The following UBE3A variants were observed in gnomAD, a reference collection of about 807,000 sequenced individuals.
The protein encoded by UBE3A is ubiquitin-protein ligase E3A.
UBE3A carries 6 observed loss-of-function variants against 83.4 expected under a neutral mutation model. The observed-to-expected ratio is 0.07, with a 90% CI of 0.04 to 0.14. The LOEUF (loss-of-function observed/expected upper bound fraction) is 0.14, where lower values mean the gene tolerates loss of function less well. Ranked by LOEUF, UBE3A falls within the 10% of genes least tolerant of loss-of-function variation. The probability of loss-of-function intolerance (pLI) is 1.00; values close to 1 mark genes in which losing one functional copy is unlikely to be tolerated. For missense variants in UBE3A, 456 were observed against 1,036.1 expected (o/e 0.44, Z 7.69); for synonymous variants, 337 against 355.4 (o/e 0.95, Z 0.58).
At chr15:25,347,713 A>G (rs1447232245) in intron 11 of UBE3A, among the ~76,000 whole-genome samples, 1 of 152,128 alleles carries the variant, frequency 6.6e-6, no homozygotes, top group East Asian at 1.9e-4. Context: ...ACAAAAACAA[A>G]CAAACAAACA....
At chr15:25,419,941 G>A (rs890799402) in intron 1 of UBE3A, among the ~76,000 whole-genome samples, 3 of 152,096 alleles carry the variant, frequency 2.0e-5, no homozygotes, top group Non-Finnish European at 4.4e-5. Context: ...TTCCAAAAAT[G>A]CTCCATTAAC....
chr15:25,339,314 T>C lies in UBE3A; in HGVS notation c.2499-57A>G, dbSNP rs184405137. On this transcript the variant is annotated intron_variant, in intron 12 of 12. Coordinates refer to ENST00000648336, the MANE Select transcript of UBE3A (RefSeq NM_130839.5). ...AACTGTAAGTCATGGGAAATACACT[T>C]AGAATTAAATGCTCCTATTTTTAGA... 1.2e-5 allele frequency: 19 copies of C among 1,586,690 alleles called. No homozygotes were observed. In the East Asian group the frequency reaches 4.3e-4, roughly 36 times the overall value.
intron 1 of UBE3A, among the ~76,000 whole-genome samples, chr15:25,437,197 G>A (rs945790878): frequency 7.2e-5 from 11 of 152,068 alleles, no homozygotes; most frequent in Non-Finnish European, 8.8e-5. Context: ...TAAGTAGCTT[G>A]GATTTAAAAA....
At chr15:25,430,636 T>C (rs1893185659) in intron 1 of UBE3A, among the ~76,000 whole-genome samples, 1 of 151,958 alleles carries the variant, frequency 6.6e-6, no homozygotes, top group Admixed American at 6.6e-5. Context: ...ACAGCAGATA[T>C]CTAAAAGTAG....
chr15:25,389,966 C>T (rs555887331), intron 4 of UBE3A, among the ~76,000 whole-genome samples: 90 of 152,250 alleles, frequency 5.9e-4, no homozygotes, highest in African/African-American at 2.1e-3. Context: ...AAACAAACAA[C>T]CCAATTAAAA....
At chr15:25,400,977 A>G (rs1425495902) in intron 4 of UBE3A, among the ~76,000 whole-genome samples, 1 of 152,200 alleles carries the variant, frequency 6.6e-6, no homozygotes, top group Non-Finnish European at 1.5e-5. Flanking sequence ...CATTCCTTCT[A>G]TACTTAATTT....
intron 11 of UBE3A, among the ~76,000 whole-genome samples, chr15:25,344,451 A>AAAAAT (rs1161305188): frequency 4.6e-5 from 7 of 152,182 alleles, no homozygotes. Context: ...AATTTATTGG[A>AAAAAT]AAAATAACTT....
intron 3 of UBE3A, among the ~76,000 whole-genome samples, chr15:25,406,848 T>TG (rs2088699249): frequency 1.1e-5 from 1 of 90,634 alleles, no homozygotes; most frequent in African/African-American, 3.9e-5. Context: ...AGGACAAGAA[T>TG]GGAAAAGGAA....
At chr15:25,398,384 T>C (rs2086099961) in intron 4 of UBE3A, among the ~76,000 whole-genome samples, 2 of 152,126 alleles carry the variant, frequency 1.3e-5, no homozygotes, top group Non-Finnish European at 2.9e-5. Flanking sequence ...AGTTTCCATG[T>C]TGTACAATAG....
At chr15:25,348,594 ATAAC>A (rs2076057221) in intron 11 of UBE3A, among the ~76,000 whole-genome samples, 1 of 152,218 alleles carries the variant, frequency 6.6e-6, no homozygotes, top group African/African-American at 2.4e-5. Context: ...AATCTACTAA[ATAAC>A]TACTAGAATA....
At chr15:25,387,063 CA>C (rs2083292162) in intron 4 of UBE3A, among the ~76,000 whole-genome samples, 1 of 152,144 alleles carries the variant, frequency 6.6e-6, no homozygotes, top group Non-Finnish European at 1.5e-5. Flanking sequence ...ATAATGTCAA[CA>C]ATTGTGCTTA....
At chr15:25,422,398 A>G (rs1485947874) in intron 1 of UBE3A, among the ~76,000 whole-genome samples, 1 of 152,172 alleles carries the variant, frequency 6.6e-6, no homozygotes, top group African/African-American at 2.4e-5. Context: ...AAATGGGTGC[A>G]TTTCATTGTG....
chr15:25,418,371 C>T (rs1451042089), intron 1 of UBE3A: 6 of 152,110 alleles, frequency 3.9e-5, no homozygotes, highest in Non-Finnish European at 8.8e-5. Flanking sequence ...TTTATAATAG[C>T]TGGGAACTGA....
intron 1 of UBE3A, among the ~76,000 whole-genome samples, chr15:25,430,173 A>G (rs1366474060): frequency 5.4e-4 from 6 of 11,152 alleles, no homozygotes; most frequent in Non-Finnish European, 8.9e-4. Context: ...GATTATATAT[A>G]TATTATATAT....
chr15:25,363,195 G>GCAATA (rs1215163732), intron 6 of UBE3A, among the ~76,000 whole-genome samples: 5 of 152,108 alleles, frequency 3.3e-5, no homozygotes, highest in Non-Finnish European at 7.4e-5. Context: ...GTAATGCAAT[G>GCAATA]CAATATGTTC....
chr15:25,391,379 T>C (rs866279453), intron 4 of UBE3A, among the ~76,000 whole-genome samples: 2 of 152,110 alleles, frequency 1.3e-5, no homozygotes, highest in African/African-American at 2.4e-5. Context: ...GAATGTAGAG[T>C]TTCTGTTTTA....
intron 11 of UBE3A, among the ~76,000 whole-genome samples, chr15:25,341,945 ATAACT>A (rs1595402824): frequency 6.6e-6 from 1 of 152,144 alleles, no homozygotes; most frequent in East Asian, 1.9e-4. Flanking sequence ...TTTATCTGAA[ATAACT>A]TAAAAGTTTT....
intron 6 of UBE3A, among the ~76,000 whole-genome samples, chr15:25,361,211 C>CG (rs2078041823): frequency 1.3e-5 from 2 of 151,372 alleles, no homozygotes; most frequent in South Asian, 4.2e-4. Flanking sequence ...CTGCAACCTC[C>CG]GCCTCCTGGG....
chr15:25,409,888 A>G (rs2089570189), intron 2 of UBE3A, among the ~76,000 whole-genome samples: 1 of 152,056 alleles, frequency 6.6e-6, no homozygotes, highest in Non-Finnish European at 1.5e-5. Flanking sequence ...GTATGTACGT[A>G]AAGTCATTTA....
Sources: allele counts gnomAD v4.1 joint callset (sites outside exome capture counted in the v4.1 genomes callset), GRCh38; gene constraint gnomAD v4.1.1; transcripts MANE v1.5; gene names NCBI Gene and HGNC (gene_info 2026-07-23, HGNC 2026-07-21).